The following NECTIN1 variants were observed in gnomAD, a reference collection of about 807,000 sequenced individuals.
NECTIN1 encodes the protein nectin cell adhesion molecule 1.
A neutral mutation model predicts 48.0 loss-of-function variants in NECTIN1; 23 were observed. That is an observed-to-expected ratio of 0.48 (90% CI 0.34 to 0.68). NECTIN1 has a LOEUF of 0.68. Ranked by LOEUF, NECTIN1 falls within the 30% of genes least tolerant of loss-of-function variation. NECTIN1 has a pLI of 0.01. For synonymous variants in NECTIN1, 270 were observed against 288.9 expected, an observed-to-expected ratio of 0.93 and a Z score of 0.66; for missense variants, 591 against 709.9, an observed-to-expected ratio of 0.83 and a Z score of 1.90.
rs1864667113 is a variant in NECTIN1, at chr11:119,661,619, CT to C, written c.*3127del. On this transcript the variant is annotated 3_prime_UTR_variant, in exon 6 of 6. Transcript: ENST00000264025. Reference sequence around the variant, plus strand: ...CCACCTAACACAATTCCCAATTTCTCTGCTCTGAGGAAGGCAGAAAAGTTAT... The same window carrying C: ...CCACCTAACACAATTCCCAATTTCTCGCTCTGAGGAAGGCAGAAAAGTTAT... 1 of 985,784 alleles carries C rather than the reference CT, an allele frequency of 1.0e-6. No homozygotes were observed. The highest frequency in any genetic ancestry group is 1.7e-5 in the African/African-American group (1 of 57,238). 61.1% of individuals were successfully genotyped at this position (985,784 alleles called of 1,614,324 possible).
intron 1 of NECTIN1, among the ~76,000 whole-genome samples, chr11:119,699,819 G>C (rs749035687): frequency 1.3e-5 from 2 of 152,128 alleles, no homozygotes; most frequent in Non-Finnish European, 2.9e-5. Flanking sequence ...TTCAAAGCCA[G>C]GTCTCCTGAC....
chr11:119,674,509 G>A (rs995108724), intron 5 of NECTIN1: 1 of 1,609,278 alleles, frequency 6.2e-7, no homozygotes, highest in African/African-American at 1.4e-5. Flanking sequence ...CCGTTTTACA[G>A]ATGGTGGGGG....
chr11:119,639,506 A>T (rs1864291936), intron 6 of NECTIN1: 10 of 378,886 alleles, frequency 2.6e-5, no homozygotes, highest in South Asian at 2.3e-4. Flanking sequence ...GTCTGCCCTC[A>T]CCCCTTGTCA....
chr11:119,653,705 A>G (rs905611736), intron 5 of NECTIN1, among the ~76,000 whole-genome samples: 1 of 152,250 alleles, frequency 6.6e-6, no homozygotes, highest in Non-Finnish European at 1.5e-5. Flanking sequence ...GAAAATAACA[A>G]TAAGTAAGAA....
rs1364045016 is a variant in NECTIN1, at chr11:119,717,266, CG to C, written c.79+11208del. On this transcript the variant is annotated intron_variant, in intron 1 of 5. Coordinates refer to ENST00000264025, the MANE Select transcript of NECTIN1 (RefSeq NM_002855.5). ...TGCTGTGGTCAGGGCAGAGGCAGGCCGGGAGCAGGGGGCTGTCGCACACGTT... is the reference window on the plus strand; with the variant it reads ...TGCTGTGGTCAGGGCAGAGGCAGGCCGGAGCAGGGGGCTGTCGCACACGTT... 5.3e-5 allele frequency among the ~76,000 whole-genome samples: 8 copies of C among 152,292 alleles called. No homozygotes were observed. In the South Asian group the frequency reaches 1.7e-3, roughly 32 times the overall value.
chr11:119,656,691 G>GT (rs1425850938), downstream of NECTIN1, among the ~76,000 whole-genome samples: 4 of 152,110 alleles, frequency 2.6e-5, no homozygotes, highest in African/African-American at 9.7e-5. Context: ...AGAGGCCTTC[G>GT]TTAGGGATCT....
At position 119,677,607 on chromosome 11, in the gene NECTIN1, G is replaced by GATGC. The variant is rs1555079004; in HGVS notation, c.677_680dup (p.Ile227MetfsTer21). On this transcript the variant is annotated frameshift_variant, in exon 3 of 6. Coordinates refer to ENST00000264025, the MANE Select transcript of NECTIN1 (RefSeq NM_002855.5). LOFTEE classifies it high-confidence loss of function. The surrounding 1 kb of genome is among the most constrained non-coding windows in gnomAD (Gnocchi z 5.4). ...TGAAGCGGTCCATGTGGTAGTTGAC[G>GATGC]ATGCAGGCCAAGGACTGCTGGTGGG... 6.2e-7 allele frequency: 1 copy of GATGC among 1,613,316 alleles called. No homozygotes were observed. Among genetic ancestry groups the GATGC allele is most frequent in the Non-Finnish European group, 8.5e-7 (1 of 1,180,044 alleles).
chr11:119,638,496 G>A (rs1026790177), intron 7 of NECTIN1, among the ~76,000 whole-genome samples: 2 of 152,188 alleles, frequency 1.3e-5, no homozygotes, highest in African/African-American at 4.8e-5. Context: ...ATGAATGAAA[G>A]GACTGTGAGG....
intron 4 of NECTIN1, 150 bp downstream of exon 4, chr11:119,676,952 G>T (rs1206339101): frequency 2.3e-5 from 16 of 707,538 alleles, no homozygotes; most frequent in East Asian, 1.3e-4. Context: ...TGGGGGTGGG[G>T]GTTGTTCTCT....
exon 8 of NECTIN1, chr11:119,638,149 G>A (rs373707379): frequency 4.8e-5 from 77 of 1,613,756 alleles, no homozygotes; most frequent in Non-Finnish European, 6.2e-5. Flanking sequence ...GGTGGTAGGA[G>A]GGGGAGACCC....
At chr11:119,699,768 A>G (rs906222588) in intron 1 of NECTIN1, among the ~76,000 whole-genome samples, 4 of 152,212 alleles carry the variant, frequency 2.6e-5, no homozygotes, top group Non-Finnish European at 5.9e-5. Flanking sequence ...ACTAAGTGGC[A>G]TTCGGGGTTG....
rs542673349 is a variant in NECTIN1 at position 119,709,999 on chromosome 11, C to G, written c.79+18476G>C. On this transcript the variant is annotated intron_variant, in intron 1 of 5. Transcript: ENST00000264025. The surrounding 1 kb of genome is among the most constrained non-coding windows in gnomAD (Gnocchi z 4.1). ...TCAGCCCCCAGGATGGACGGGAAAC[C>G]CTGGGTCACCGTTCTTGGAGGGGGA... 3 of 152,244 alleles carry G rather than the reference C, an allele frequency of 2.0e-5. No homozygotes were observed. The highest frequency in any genetic ancestry group is 2.0e-4 in the Admixed American group (3 of 15,280). 9.4% of individuals were successfully genotyped at this position (152,244 alleles called of 1,614,324 possible).
intron 1 of NECTIN1, among the ~76,000 whole-genome samples, chr11:119,688,825 TG>T: frequency 6.6e-6 from 1 of 151,602 alleles, no homozygotes; most frequent in South Asian, 2.1e-4. Context: ...GAGTTGTGTT[TG>T]GGGGAGACAG....
chr11:119,714,448 C>T (rs1184922349), intron 1 of NECTIN1, among the ~76,000 whole-genome samples: 1 of 152,126 alleles, frequency 6.6e-6, no homozygotes, highest in Non-Finnish European at 1.5e-5. Context: ...CCTCCTTCCA[C>T]GAGTCACCAC....
chr11:119,711,765 T>G (rs1865651486), intron 1 of NECTIN1, among the ~76,000 whole-genome samples: 2 of 152,176 alleles, frequency 1.3e-5, no homozygotes, highest in South Asian at 4.2e-4. Context: ...GTTGTGGGAG[T>G]GTAGAGCAGT....
At chr11:119,723,768 T>C (rs975009326) in intron 1 of NECTIN1, among the ~76,000 whole-genome samples, 1 of 152,184 alleles carries the variant, frequency 6.6e-6, no homozygotes, top group Non-Finnish European at 1.5e-5. Flanking sequence ...TTAACTGGAC[T>C]AAAGGGTGTT....
At chr11:119,675,943 T>C (rs773122970) in intron 4 of NECTIN1, among the ~76,000 whole-genome samples, 16 of 151,348 alleles carry the variant, frequency 1.1e-4, no homozygotes, top group South Asian at 4.2e-4. Context: ...GAGGCGGAGG[T>C]TGCAGTGAGC....
intron 1 of NECTIN1, among the ~76,000 whole-genome samples, chr11:119,679,565 T>C (rs1471644583): frequency 6.6e-6 from 1 of 152,160 alleles, no homozygotes; most frequent in Non-Finnish European, 1.5e-5. Flanking sequence ...CTGCCTCTTG[T>C]CCACATCTCT....
At chr11:119,648,355 G>A (rs1591438822) in intron 5 of NECTIN1, among the ~76,000 whole-genome samples, 3 of 76,432 alleles carry the variant, frequency 3.9e-5, no homozygotes, top group Non-Finnish European at 5.5e-5. Context: ...GCTGGTGGTG[G>A]TGATGCTGGT....
Sources: allele counts gnomAD v4.1 joint callset (sites outside exome capture counted in the v4.1 genomes callset), GRCh38; gene constraint gnomAD v4.1.1; non-coding constraint Gnocchi (gnomAD v3.1); transcripts MANE v1.5; gene names NCBI Gene and HGNC (gene_info 2026-07-23, HGNC 2026-07-21).